The following RIMBP2 variants were observed in gnomAD, a reference collection of about 807,000 sequenced individuals.
RIMBP2 encodes the protein RIMS binding protein 2.
Under a neutral mutation model 118.6 loss-of-function variants are expected in RIMBP2, and 48 were observed. The ratio of observed to expected loss-of-function variants is 0.40; its 90% CI spans 0.32 to 0.51. RIMBP2 has a LOEUF of 0.51. Ranked by LOEUF, RIMBP2 falls within the 20% of genes least tolerant of loss-of-function variation. RIMBP2 has a pLI of 0.41. For synonymous variants in RIMBP2, 762 were observed against 742.9 expected, an observed-to-expected ratio of 1.03 and a Z score of -0.42; for missense variants, 1,551 against 1,768.3, an observed-to-expected ratio of 0.88 and a Z score of 2.20.
intron 2 of RIMBP2, among the ~76,000 whole-genome samples, chr12:130,532,220 T>C (rs2053490505): frequency 7.1e-6 from 1 of 140,226 alleles, no homozygotes; most frequent in Non-Finnish European, 1.6e-5. Flanking sequence ...AGGAGTTACG[T>C]CTAATGAGAT....
At chr12:130,413,908 G>C (rs544741836) in intron 18 of RIMBP2, among the ~76,000 whole-genome samples, 27 of 152,208 alleles carry the variant, frequency 1.8e-4, no homozygotes, top group Non-Finnish European at 3.5e-4. Context: ...ATTTGGGTGT[G>C]TTTGTGTGCA....
At chr12:130,527,082 T>C (rs2052877937) in intron 2 of RIMBP2, among the ~76,000 whole-genome samples, 1 of 152,160 alleles carries the variant, frequency 6.6e-6, no homozygotes, top group African/African-American at 2.4e-5. Context: ...GGCAGTCAGC[T>C]AAGTCATCCC....
At chr12:130,646,097 ACCTCC>A (rs1566422042) in intron 1 of RIMBP2, among the ~76,000 whole-genome samples, 29 of 119,382 alleles carry the variant, frequency 2.4e-4, no homozygotes, top group African/African-American at 8.3e-4. Context: ...TTCCCTCTCC[ACCTCC>A]CTCTCCACCT....
In RIMBP2 at chr12:130,424,869, G is replaced by A; in HGVS notation, c.2413-11C>T. The A allele has an allele frequency of 8.1e-7, 1 of 1,229,510 alleles. No individual in the cohort carries two copies. The highest frequency in any genetic ancestry group is 1.6e-5 in the African/African-American group (1 of 64,470). The allele number at this position is 1,229,510 out of a possible 1,614,324, so 76.2% of individuals were successfully genotyped here. On this transcript the variant is annotated splice_polypyrimidine_tract_variant and intron_variant, in intron 15 of 22. Transcript: ENST00000690449. The surrounding 1 kb of genome is among the most constrained non-coding windows in gnomAD (Gnocchi z 9.8). ...ATGGTCAGTGCAGTCCTTACGGGGTGGTGTGTCAAGAACAGGCGCGGGAAA... is the reference window on the plus strand; with the variant it reads ...ATGGTCAGTGCAGTCCTTACGGGGTAGTGTGTCAAGAACAGGCGCGGGAAA...
At chr12:130,588,869 G>A (rs1378946722) in intron 2 of RIMBP2, among the ~76,000 whole-genome samples, 1 of 152,224 alleles carries the variant, frequency 6.6e-6, no homozygotes, top group Non-Finnish European at 1.5e-5. Context: ...GATGTAGACT[G>A]TGCTTAAACT....
chr12:130,512,703 G>T (rs2051047089), intron 3 of RIMBP2, among the ~76,000 whole-genome samples: 1 of 152,196 alleles, frequency 6.6e-6, no homozygotes, highest in Admixed American at 6.5e-5. Flanking sequence ...TACTAAAGGA[G>T]AAAGTGGACT....
chr12:130,713,006 C>A (rs1950029406), intron 1 of RIMBP2, among the ~76,000 whole-genome samples: 1 of 150,064 alleles, frequency 6.7e-6, no homozygotes, highest in African/African-American at 2.5e-5. Flanking sequence ...GTGGTGGACA[C>A]AAGCAGGGGT....
At chr12:130,529,677 T>G (rs566857038) in intron 2 of RIMBP2, among the ~76,000 whole-genome samples, 11 of 152,186 alleles carry the variant, frequency 7.2e-5, no homozygotes, top group Non-Finnish European at 1.3e-4. Context: ...CAAAAGAGTC[T>G]GAAGGGCTAT....
chr12:130,705,539 C>G (rs1273083315), intron 1 of RIMBP2, among the ~76,000 whole-genome samples: 1 of 152,198 alleles, frequency 6.6e-6, no homozygotes, highest in African/African-American at 2.4e-5. Flanking sequence ...CACGTGGTTC[C>G]CTGTAAAACG....
intron 1 of RIMBP2, among the ~76,000 whole-genome samples, chr12:130,640,716 G>A (rs1478555678): frequency 6.6e-6 from 1 of 152,198 alleles, no homozygotes; most frequent in Non-Finnish European, 1.5e-5. Flanking sequence ...AAGGCGTGGG[G>A]ATTTGGACGT....
At chr12:130,495,335 C>A (rs1444583281) in intron 4 of RIMBP2, among the ~76,000 whole-genome samples, 1 of 152,234 alleles carries the variant, frequency 6.6e-6, no homozygotes, top group Non-Finnish European at 1.5e-5. Context: ...GTGGCTCCCG[C>A]CTCAGTGCTG....
At chr12:130,664,423 A>ACACACACG (rs2063811180) in intron 1 of RIMBP2, among the ~76,000 whole-genome samples, 1 of 88,912 alleles carries the variant, frequency 1.1e-5, no homozygotes, top group African/African-American at 3.6e-5. Flanking sequence ...ACACACACGC[A>ACACACACG]CACACATGCA....
At position 130,614,094 on chromosome 12, in the gene RIMBP2, C is replaced by G. The variant is rs543298956; in HGVS notation, c.-217+14228G>C. 4.6e-5 allele frequency among the ~76,000 whole-genome samples: 7 copies of G among 152,330 alleles called. No homozygotes were observed. The South Asian group carries it at 1.5e-3, about 32-fold the overall frequency. On this transcript the variant is annotated intron_variant, in intron 2 of 22. Transcript: ENST00000690449. ...CAGCTGAACGCTGTCTCACCTGATGCAACAGGCTGGCCTACACTTTATGTT... is the reference window on the plus strand; with the variant it reads ...CAGCTGAACGCTGTCTCACCTGATGGAACAGGCTGGCCTACACTTTATGTT...
intron 2 of RIMBP2, among the ~76,000 whole-genome samples, chr12:130,600,750 T>C (rs1169967765): frequency 6.6e-6 from 1 of 152,200 alleles, no homozygotes; most frequent in African/African-American, 2.4e-5. Flanking sequence ...AACCAATATG[T>C]ACTCTTAGTC....
intron 2 of RIMBP2, among the ~76,000 whole-genome samples, chr12:130,520,672 CAAAAAAAAAAA>C: frequency 1.5e-5 from 1 of 68,828 alleles, no homozygotes; most frequent in Admixed American, 1.9e-4. Context: ...AACTCCATCT[CAAAAAAAAAAA>C]AAAAAAAAAA....
At chr12:130,663,317 G>A (rs1234887795) in intron 1 of RIMBP2, among the ~76,000 whole-genome samples, 2 of 152,182 alleles carry the variant, frequency 1.3e-5, no homozygotes, top group Non-Finnish European at 2.9e-5. Context: ...CTGGGAGGGG[G>A]CCAGGCACCT....
chr12:130,480,875 A>G (rs545648960), intron 4 of RIMBP2, among the ~76,000 whole-genome samples: 1 of 152,368 alleles, frequency 6.6e-6, no homozygotes, highest in Non-Finnish European at 1.5e-5. Flanking sequence ...TGCTGGGATT[A>G]CAGGCGTGAG....
chr12:130,521,740 C>T (rs1336394482), intron 2 of RIMBP2, among the ~76,000 whole-genome samples: 3 of 152,206 alleles, frequency 2.0e-5, no homozygotes, highest in Non-Finnish European at 4.4e-5. Context: ...GCACCACCCC[C>T]GTCTTAGCTT....
At chr12:130,561,104 A>G (rs752985231) in intron 2 of RIMBP2, among the ~76,000 whole-genome samples, 12 of 152,172 alleles carry the variant, frequency 7.9e-5, no homozygotes, top group African/African-American at 2.7e-4. Flanking sequence ...AGGAGCCCCA[A>G]AGATGGCCAC....
Sources: gnomAD v4.1 joint callset for allele counts (sites outside exome capture counted in the v4.1 genomes callset) on GRCh38, gnomAD v4.1.1 for gene constraint, Gnocchi (gnomAD v3.1) non-coding constraint, MANE v1.5 for transcripts, NCBI Gene and HGNC (gene_info 2026-07-23, HGNC 2026-07-21) for gene names.